GOLM1: variants seen among roughly 807,000 people sequenced by gnomAD.
GOLM1 encodes the protein golgi membrane protein 1, also known as epididymis luminal protein 46.
In GOLM1, 31 loss-of-function variants were observed where a neutral mutation model predicts 50.5. That is an observed-to-expected ratio of 0.61 (90% CI 0.46 to 0.83). The LOEUF is 0.83. Among genes scored for constraint, GOLM1 ranks in the 40% least tolerant of loss-of-function variants. GOLM1 has a pLI of 0.00. For synonymous variants in GOLM1, 178 were observed against 192.8 expected, an observed-to-expected ratio of 0.92 and a Z score of 0.64; for missense variants, 491 against 501.3, an observed-to-expected ratio of 0.98 and a Z score of 0.20.
At chr9:86,038,418 C>T (rs1245303169) in intron 6 of GOLM1, among the ~76,000 whole-genome samples, 1 of 152,134 alleles carries the variant, frequency 6.6e-6, no homozygotes, top group African/African-American at 2.4e-5. Context: ...CTCCTGCGGG[C>T]ATATTATCTG....
intron 3 of GOLM1, among the ~76,000 whole-genome samples, chr9:86,068,217 G>A (rs966528440): frequency 4.6e-5 from 7 of 152,154 alleles, no homozygotes; most frequent in Admixed American, 2.6e-4. Flanking sequence ...GCTGAGGAAC[G>A]TCAAAGGTGT....
At chr9:86,072,181 A>G (rs1834468563) in intron 3 of GOLM1, among the ~76,000 whole-genome samples, 1 of 152,296 alleles carries the variant, frequency 6.6e-6, no homozygotes, top group Admixed American at 6.5e-5. Context: ...CATTCACAAC[A>G]GTGGTTGTAC....
intron 1 of GOLM1, among the ~76,000 whole-genome samples, chr9:86,084,577 G>T (rs1165912860): frequency 6.6e-6 from 1 of 152,124 alleles, no homozygotes; most frequent in Non-Finnish European, 1.5e-5. Context: ...AAATTCTATG[G>T]TTAAGGGGAA....
chr9:86,066,160 CAT>C (rs1429042045), intron 3 of GOLM1, among the ~76,000 whole-genome samples: 1 of 152,204 alleles, frequency 6.6e-6, no homozygotes, highest in Non-Finnish European at 1.5e-5. Flanking sequence ...AAAAGTCACT[CAT>C]AAACAAATGC....
At chr9:86,053,745 A>ACAC (rs1833897317) in intron 3 of GOLM1, among the ~76,000 whole-genome samples, 1 of 1,286 alleles carries the variant, frequency 7.8e-4, no homozygotes, top group Non-Finnish European at 1.8e-3. Context: ...CACACACACC[A>ACAC]CACACTACTG....
intron 3 of GOLM1, among the ~76,000 whole-genome samples, chr9:86,056,858 T>A (rs895009648): frequency 6.6e-6 from 1 of 152,110 alleles, no homozygotes; most frequent in Non-Finnish European, 1.5e-5. Context: ...TGCAGTGCAG[T>A]GGCGCTATCA....
chr9:86,033,253 C>A, intron 9 of GOLM1, 29 bp downstream of exon 9: 2 of 1,226,388 alleles, frequency 1.6e-6, no homozygotes, highest in Non-Finnish European at 2.4e-6. Context: ...GAAAGGTGAC[C>A]TCGTCACCGA....
intron 4 of GOLM1, among the ~76,000 whole-genome samples, chr9:86,050,405 CT>C (rs1222234268): frequency 6.6e-6 from 1 of 152,182 alleles, no homozygotes; most frequent in Non-Finnish European, 1.5e-5. Context: ...AGGATTCCCT[CT>C]TTTTCTATTG....
At chr9:86,084,026 TG>T (rs1834873012) in intron 1 of GOLM1, among the ~76,000 whole-genome samples, 1 of 152,180 alleles carries the variant, frequency 6.6e-6, no homozygotes, top group Non-Finnish European at 1.5e-5. Flanking sequence ...ATATAATAAA[TG>T]CCCAATGTTA....
chr9:86,096,178 T>A (rs1016791951), intron 1 of GOLM1, among the ~76,000 whole-genome samples: 2 of 34,736 alleles, frequency 5.8e-5, no homozygotes, highest in African/African-American at 1.5e-4. Context: ...GCTCGATAGG[T>A]TTTTTTTTTT....
rs779660359 is a variant in GOLM1, at chr9:86,035,589, G to T, written c.794C>A (p.Pro265His). 8.1e-6 allele frequency: 13 copies of T among 1,605,342 alleles called. No homozygotes were observed. In the East Asian group the frequency reaches 2.7e-4, roughly 33 times the overall value. The change falls in exon 8 of 10, where the codon CCT (proline) becomes CAT (histidine). Residue 265 changes from proline to histidine, a missense_variant. Physicochemically the swap from Pro to His is moderately conservative, Grantham distance 77. Transcript: ENST00000388712. ...CTCCTGCGGCAGCCTGTCCCTCTGA[G>T]GCTCCTCATTCACCACCTGGATCTC... Reference protein sequence around the residue: ...TNEIQVVNEEPQRDRLPQEPG... With the variant: ...TNEIQVVNEEHQRDRLPQEPG...
At position 86,081,194 on chromosome 9, in the gene GOLM1, A is replaced by AT. The variant is rs141790142; in HGVS notation, c.-21-1854dup. ...TGAGCCAGTGCACCCAGCCTCAATG[A>AT]TTTTTTTTTTTTTTTTTTTGAGACG... On this transcript the variant is annotated intron_variant, in intron 1 of 9. Transcript: ENST00000388712. Among the ~76,000 whole-genome samples, 871 of 133,674 alleles carry AT rather than the reference A, an allele frequency of 6.5e-3. 11 individuals are homozygous for AT. The highest frequency in any genetic ancestry group is 0.019 in the African/African-American group (666 of 35,962). 87.7% of individuals were successfully genotyped at this position (133,674 alleles called of 152,430 possible).
chr9:86,053,585 AC>A (rs371722524), intron 3 of GOLM1, among the ~76,000 whole-genome samples: 57 of 1,310 alleles, frequency 0.044, no homozygotes, highest in African/African-American at 0.071. Flanking sequence ...CACACCACAC[AC>A]CACACCACTC....
chr9:86,053,635 A>ACCACACCCC (rs1833878051), intron 3 of GOLM1, among the ~76,000 whole-genome samples: 1 of 27,068 alleles, frequency 3.7e-5, no homozygotes. Flanking sequence ...ATCACTACAA[A>ACCACACCCC]ACACACACCA....
Position 86,053,264 on chromosome 9 carries a change from C to T in GOLM1, c.310-673G>A, listed in dbSNP as rs575943275. Reference sequence around the variant, plus strand: ...CACGCCATATGACTCCACACCACAACGCCAGACCACACCACACACCATTCC... The same window carrying T: ...CACGCCATATGACTCCACACCACAATGCCAGACCACACCACACACCATTCC... On this transcript the variant is annotated intron_variant, in intron 3 of 9. Transcript: ENST00000388712. 4.4e-3 allele frequency among the ~76,000 whole-genome samples: 601 copies of T among 137,968 alleles called. 10 individuals are homozygous for T. The highest frequency in any genetic ancestry group is 0.016 in the African/African-American group (574 of 36,938). The allele number at this position is 137,968 out of a possible 152,430, so 90.5% of individuals were successfully genotyped here.
At chr9:86,054,193 C>G (rs1294971962) in intron 3 of GOLM1, among the ~76,000 whole-genome samples, 1 of 152,046 alleles carries the variant, frequency 6.6e-6, no homozygotes, top group African/African-American at 2.4e-5. Flanking sequence ...AATGTAACAA[C>G]TGGCCAGTAT....
At position 86,079,292 on chromosome 9, in the gene GOLM1, C is replaced by A. The variant is rs1406200556; in HGVS notation, c.29G>T (p.Ser10Ile). Residue 10 changes from serine (S) to isoleucine (I), a missense_variant, in exon 2 of 10, where the codon AGC becomes ATC. Physicochemically the swap from Ser to Ile is moderately radical, Grantham distance 142 (BLOSUM62 -2). Coordinates refer to ENST00000388712, the MANE Select transcript of GOLM1 (RefSeq NM_016548.4). ...CAGCACGAGGGGCGGCGACTTCATGCTGCGACGCCCGTTTCCCAAGCCCAT... is the reference window on the plus strand; with the variant it reads ...CAGCACGAGGGGCGGCGACTTCATGATGCGACGCCCGTTTCCCAAGCCCAT... MMGLGNGRRSMKSPPLVLAA... is the reference protein window; with the variant it reads MMGLGNGRRIMKSPPLVLAA... 5.0e-6 allele frequency: 8 copies of A among 1,603,960 alleles called. No homozygotes were observed. The highest frequency in any genetic ancestry group is 6.8e-6 in the Non-Finnish European group (8 of 1,174,774).
At position 86,026,619 on chromosome 9, in the gene GOLM1, C is replaced by T. The variant is rs77331463; in HGVS notation, c.*1198G>A. On this transcript the variant is annotated 3_prime_UTR_variant, in exon 10 of 10. Transcript: ENST00000388712. The stretch of plus-strand genomic sequence containing the variant: ...ATCCTCCTACTTACCCCTTAGAGAG[C>T]CTTACTGGGAAGTCAGTCATTAATG... The T allele has an allele frequency of 1.2e-3, 1,217 of 983,446 alleles. 18 individuals are homozygous for T. The South Asian group carries it at 0.032, about 26-fold the overall frequency. The allele number at this position is 983,446 out of a possible 1,614,324, so 60.9% of individuals were successfully genotyped here.
intron 3 of GOLM1, among the ~76,000 whole-genome samples, chr9:86,055,081 C>A (rs1833947208): frequency 6.6e-6 from 1 of 152,188 alleles, no homozygotes; most frequent in African/African-American, 2.4e-5. Flanking sequence ...CTTAGGCAAA[C>A]AACAGCCTTT....
Sources: gnomAD v4.1 joint callset for allele counts (sites outside exome capture counted in the v4.1 genomes callset) on GRCh38, gnomAD v4.1.1 for gene constraint, MANE v1.5 for transcripts, NCBI Gene and HGNC (gene_info 2026-07-23, HGNC 2026-07-21) for gene names.